LRRTM4: variants seen among roughly 807,000 people sequenced by gnomAD.
LRRTM4 encodes leucine-rich repeat transmembrane neuronal protein 4.
A neutral mutation model predicts 47.6 loss-of-function variants in LRRTM4; 25 were observed. The ratio of observed to expected loss-of-function variants is 0.53; its 90% CI spans 0.38 to 0.73. The LOEUF is 0.73. Among genes scored for constraint, LRRTM4 ranks in the 30% least tolerant of loss-of-function variants. LRRTM4 has a pLI of 0.00. For missense variants in LRRTM4, 638 were observed against 713.4 expected, an observed-to-expected ratio of 0.89 and a Z score of 1.20; for synonymous variants, 311 against 269.5, an observed-to-expected ratio of 1.15 and a Z score of -1.51.
At chr2:77,520,881 A>G (rs1273126012) in intron 2 of LRRTM4, among the ~76,000 whole-genome samples, 1 of 151,620 alleles carries the variant, frequency 6.6e-6, no homozygotes, top group African/African-American at 2.4e-5. Context: ...CTCCGTCAAC[A>G]GTAGATTTAT....
At chr2:76,807,445 C>CACAT (rs1670540815) in intron 3 of LRRTM4, among the ~76,000 whole-genome samples, 4 of 69,306 alleles carry the variant, frequency 5.8e-5, no homozygotes, top group African/African-American at 1.8e-4. Context: ...TACGTATATA[C>CACAT]ATATATATAT....
intron 3 of LRRTM4, among the ~76,000 whole-genome samples, chr2:77,153,935 T>C (rs1277520868): frequency 1.3e-5 from 2 of 152,220 alleles, no homozygotes. Flanking sequence ...TCACATCAAA[T>C]ATGTTGTAAG....
chr2:76,961,952 G>A (rs1675874850), intron 3 of LRRTM4, among the ~76,000 whole-genome samples: 1 of 151,162 alleles, frequency 6.6e-6, no homozygotes, highest in African/African-American at 2.4e-5. Context: ...ATTCAATGAA[G>A]CCCCTTTATG....
intron 3 of LRRTM4, among the ~76,000 whole-genome samples, chr2:77,159,691 G>A (rs1363592028): frequency 6.6e-6 from 1 of 151,986 alleles, no homozygotes; most frequent in African/African-American, 2.4e-5. Flanking sequence ...TCTCAGGGTG[G>A]GCAGAGGGGG....
At chr2:77,097,257 CA>C (rs1406508010) in intron 3 of LRRTM4, among the ~76,000 whole-genome samples, 1 of 151,802 alleles carries the variant, frequency 6.6e-6, no homozygotes, top group East Asian at 1.9e-4. Context: ...ATAATTCAGA[CA>C]AAAGCTACTG....
intron 3 of LRRTM4, among the ~76,000 whole-genome samples, chr2:77,242,376 A>T (rs1675291935): frequency 6.6e-6 from 1 of 152,168 alleles, no homozygotes; most frequent in Non-Finnish European, 1.5e-5. Context: ...ACAGAGTGAA[A>T]ATGCAACCAT....
At chr2:77,168,111 C>T (rs997969198) in intron 3 of LRRTM4, among the ~76,000 whole-genome samples, 2 of 152,006 alleles carry the variant, frequency 1.3e-5, no homozygotes, top group Non-Finnish European at 2.9e-5. Flanking sequence ...TTTATGTGTG[C>T]ATGTGGTTTA....
chr2:77,389,801 T>C (rs2103811704), intron 3 of LRRTM4, among the ~76,000 whole-genome samples: 1 of 152,206 alleles, frequency 6.6e-6, no homozygotes, highest in East Asian at 1.9e-4. Context: ...GTCCTCTTTT[T>C]TCCTCCTTCC....
intron 3 of LRRTM4, among the ~76,000 whole-genome samples, chr2:76,914,960 T>G (rs1463041178): frequency 6.6e-6 from 1 of 152,226 alleles, no homozygotes; most frequent in Non-Finnish European, 1.5e-5. Flanking sequence ...ATGGTACTCC[T>G]TTTCTTTGTT....
chr2:77,098,630 A>G (rs1252186033), intron 3 of LRRTM4, among the ~76,000 whole-genome samples: 1 of 151,988 alleles, frequency 6.6e-6, no homozygotes, highest in Non-Finnish European at 1.5e-5. Flanking sequence ...CAAACCACTA[A>G]TTTAAAAGAC....
intron 3 of LRRTM4, among the ~76,000 whole-genome samples, chr2:77,269,850 G>C (rs1429856041): frequency 6.6e-6 from 1 of 152,192 alleles, no homozygotes; most frequent in East Asian, 1.9e-4. Context: ...CTTGGTAACA[G>C]TGATTTATTG....
chr2:77,485,676 C>T (rs1267357714), intron 3 of LRRTM4, among the ~76,000 whole-genome samples: 1 of 152,156 alleles, frequency 6.6e-6, no homozygotes, highest in Admixed American at 6.5e-5. Context: ...AAGCACTAAA[C>T]AAAAGTGAAG....
chr2:77,196,163 C>T (rs1253308375), intron 3 of LRRTM4, among the ~76,000 whole-genome samples: 2 of 152,100 alleles, frequency 1.3e-5, no homozygotes, highest in African/African-American at 2.4e-5. Flanking sequence ...AATTTATATG[C>T]TTTTTTCCTT....
chr2:77,289,078 C>G (rs1271833350), intron 3 of LRRTM4, among the ~76,000 whole-genome samples: 1 of 151,968 alleles, frequency 6.6e-6, no homozygotes, highest in East Asian at 1.9e-4. Flanking sequence ...GGTTAAATGT[C>G]TATATGTATA....
intron 3 of LRRTM4, among the ~76,000 whole-genome samples, chr2:77,312,120 T>A (rs1450615533): frequency 6.6e-6 from 1 of 152,170 alleles, no homozygotes; most frequent in Admixed American, 6.5e-5. Flanking sequence ...TTGTAAGTCA[T>A]TTGACTTCAA....
intron 3 of LRRTM4, among the ~76,000 whole-genome samples, chr2:77,381,293 C>A (rs922160330): frequency 6.6e-6 from 1 of 151,892 alleles, no homozygotes; most frequent in African/African-American, 2.4e-5. Flanking sequence ...ATGGGCTTTC[C>A]ACAAATGTTA....
chr2:77,106,618 A>C (rs910592439), intron 3 of LRRTM4, among the ~76,000 whole-genome samples: 1 of 152,162 alleles, frequency 6.6e-6, no homozygotes, highest in Non-Finnish European at 1.5e-5. Flanking sequence ...ATAGACACCC[A>C]AATGGTGGGT....
At chr2:77,170,970 TA>T (rs1363480415) in intron 3 of LRRTM4, among the ~76,000 whole-genome samples, 1 of 82,210 alleles carries the variant, frequency 1.2e-5, no homozygotes, top group Non-Finnish European at 2.6e-5. Flanking sequence ...GTACGTATAC[TA>T]AAGTACACAT....
chr2:77,476,964 A>ATGTGTGTG (rs59247356), intron 3 of LRRTM4, among the ~76,000 whole-genome samples: 1,912 of 143,876 alleles, frequency 0.013, 18 homozygotes, highest in East Asian at 0.028. Flanking sequence ...TTTGTAAGAG[A>ATGTGTGTG]TGTGTGTGTG....
Sources: gnomAD v4.1 joint callset for allele counts (sites outside exome capture counted in the v4.1 genomes callset) on GRCh38, gnomAD v4.1.1 for gene constraint, MANE v1.5 for transcripts, NCBI Gene and HGNC (gene_info 2026-07-23, HGNC 2026-07-21) for gene names.